Variants in CAMTA1 observed in about 807,000 individuals in gnomAD.
The protein encoded by CAMTA1 is calmodulin-binding transcription activator 1.
Under a neutral mutation model 170.9 loss-of-function variants are expected in CAMTA1, and 27 were observed. That is an observed-to-expected ratio of 0.16 (90% confidence interval 0.12 to 0.22). CAMTA1 has a LOEUF of 0.22. CAMTA1 is among the 10% of genes least tolerant of loss of function. CAMTA1 has a pLI of 1.00. For missense variants in CAMTA1, 1,619 were observed against 2,217.2 expected, an observed-to-expected ratio of 0.73 and a Z score of 5.42; for synonymous variants, 833 against 891.5, an observed-to-expected ratio of 0.93 and a Z score of 1.17.
At chr1:7,749,472 C>T (rs2096880301) in intron 19 of CAMTA1, among the ~76,000 whole-genome samples, 1 of 151,824 alleles carries the variant, frequency 6.6e-6, no homozygotes, top group African/African-American at 2.4e-5. Context: ...ACAAGTGATA[C>T]ACAGAATGAA....
intron 1 of CAMTA1, among the ~76,000 whole-genome samples, chr1:6,789,721 A>C (rs1240477039): frequency 6.6e-6 from 1 of 151,872 alleles, no homozygotes; most frequent in Non-Finnish European, 1.5e-5. Context: ...GTTATGTACA[A>C]GGAGCTGTAG....
chr1:7,698,806 C>T (rs1432998377), intron 11 of CAMTA1: 1 of 124,802 alleles, frequency 8.0e-6, no homozygotes, highest in Non-Finnish European at 1.8e-5. Context: ...CACTGTCAAA[C>T]TGCCTGTCTT....
chr1:7,744,421 T>G (rs1218604036), intron 16 of CAMTA1, among the ~76,000 whole-genome samples: 1 of 152,192 alleles, frequency 6.6e-6, no homozygotes, highest in African/African-American at 2.4e-5. Flanking sequence ...CATGAGCCAC[T>G]GTTCCCAGCC....
intron 3 of CAMTA1, among the ~76,000 whole-genome samples, chr1:6,981,334 A>G (rs766306392): frequency 6.6e-6 from 1 of 151,998 alleles, no homozygotes; most frequent in Non-Finnish European, 1.5e-5. Context: ...AGAAGATGGT[A>G]ATTGCCCCAC....
Position 7,674,730 on chromosome 1 carries a change from C to T in CAMTA1, c.2780-2869C>T, listed in dbSNP as rs577913456. Among the ~76,000 whole-genome samples, 31 of 152,148 alleles carry T rather than the reference C, an allele frequency of 2.0e-4. No individual in the cohort carries two copies. Among genetic ancestry groups the T allele is most frequent in the African/African-American group, 6.7e-4 (28 of 41,518 alleles). On this transcript the variant is annotated intron_variant, in intron 10 of 22. Transcript: ENST00000303635. This position sits in a 1 kb window ranked among gnomAD's most constrained non-coding sequence, Gnocchi z 4.1. ...TGGAGGTTGCAGTGAGCCAAGATCA[C>T]GCCACTGCACTCCAGCCTGGAAGAC...
intron 6 of CAMTA1, among the ~76,000 whole-genome samples, chr1:7,572,290 G>A (rs1429707598): frequency 6.6e-6 from 1 of 152,176 alleles, no homozygotes; most frequent in African/African-American, 2.4e-5. Flanking sequence ...TCTGTGGGTT[G>A]TCTGTTTACT....
intron 4 of CAMTA1, among the ~76,000 whole-genome samples, chr1:7,193,927 G>A (rs1173572011): frequency 6.6e-6 from 1 of 152,096 alleles, no homozygotes; most frequent in Non-Finnish European, 1.5e-5. Flanking sequence ...TAAATGACAG[G>A]GTTCTTGAAG....
intron 10 of CAMTA1, among the ~76,000 whole-genome samples, chr1:7,676,819 G>A (rs2096125579): frequency 6.6e-6 from 1 of 152,250 alleles, no homozygotes. Context: ...GCCATGGAGA[G>A]GCAACCTCAA....
chr1:7,557,308 G>GA (rs34354980), intron 6 of CAMTA1, among the ~76,000 whole-genome samples: 1,520 of 128,740 alleles, frequency 0.012, 17 homozygotes, highest in African/African-American at 0.034. Flanking sequence ...ACTCCGTTCA[G>GA]AAAAAAAAAA....
intron 3 of CAMTA1, among the ~76,000 whole-genome samples, chr1:6,850,308 T>A (rs1447525800): frequency 2.0e-5 from 3 of 152,200 alleles, no homozygotes; most frequent in Non-Finnish European, 2.9e-5. Context: ...GAAAAGTATT[T>A]GCCATAGATT....
At chr1:7,616,751 C>T (rs530147720) in intron 6 of CAMTA1, among the ~76,000 whole-genome samples, 2 of 152,088 alleles carry the variant, frequency 1.3e-5, no homozygotes, top group Non-Finnish European at 1.5e-5. Context: ...GGGGCCCCCC[C>T]ACCAGAGTGA....
chr1:6,979,268 CAG>C (rs1285615847), intron 3 of CAMTA1, among the ~76,000 whole-genome samples: 3 of 152,306 alleles, frequency 2.0e-5, no homozygotes, highest in Admixed American at 1.3e-4. Flanking sequence ...GTCTCCGGCA[CAG>C]GGGGGCTTCC....
chr1:7,276,786 AT>A (rs1405497498), intron 5 of CAMTA1, among the ~76,000 whole-genome samples: 1 of 152,190 alleles, frequency 6.6e-6, no homozygotes, highest in Non-Finnish European at 1.5e-5. Flanking sequence ...AATTCTTTTT[AT>A]TTGCAGACAA....
chr1:7,219,149 C>T (rs1465024806), intron 4 of CAMTA1, among the ~76,000 whole-genome samples: 9 of 152,070 alleles, frequency 5.9e-5, no homozygotes, highest in Non-Finnish European at 1.0e-4. Flanking sequence ...TTGTTTACAC[C>T]GGCATCTGTT....
intron 3 of CAMTA1, among the ~76,000 whole-genome samples, chr1:6,939,821 C>A (rs766253998): frequency 1.3e-5 from 2 of 152,292 alleles, no homozygotes; most frequent in Non-Finnish European, 2.9e-5. Flanking sequence ...TGCCTAGCAT[C>A]TGTCTCCCTG....
chr1:7,724,412 A>C (rs562095237), intron 11 of CAMTA1, among the ~76,000 whole-genome samples: 7 of 152,232 alleles, frequency 4.6e-5, no homozygotes, highest in Non-Finnish European at 2.9e-5. Context: ...GATCTTTGCA[A>C]CTTATCTGTA....
rs1052766749 is a variant in CAMTA1, at chr1:7,014,367, G to A, written c.235-76937G>A. ...GTGTGAGGCTATAAACAGCCCAGGA[G>A]TCCTGAGGGGGTTGGAGAGTTGGTC... On this transcript the variant is annotated intron_variant, in intron 3 of 22. Transcript: ENST00000303635. The surrounding 1 kb of genome is among the most constrained non-coding windows in gnomAD (Gnocchi z 4.2). 8 of 152,340 alleles carry A rather than the reference G, an allele frequency of 5.3e-5. No homozygotes were observed. Among genetic ancestry groups the A allele is most frequent in the African/African-American group, 1.7e-4 (7 of 41,482 alleles). 9.4% of individuals were successfully genotyped at this position (152,340 alleles called of 1,614,324 possible). A position where few individuals can be genotyped will look rare whatever the true frequency, so the allele number is the denominator to read the frequency against.
intron 2 of CAMTA1, 128 bp downstream of exon 2, chr1:6,820,378 T>C (rs1646348643): frequency 2.5e-6 from 2 of 800,062 alleles, no homozygotes; most frequent in African/African-American, 1.7e-5. Flanking sequence ...ACTTAACTGC[T>C]GTGTGATCTT....
intron 19 of CAMTA1, among the ~76,000 whole-genome samples, chr1:7,749,056 A>G (rs2096877034): frequency 6.6e-6 from 1 of 152,256 alleles, no homozygotes; most frequent in Admixed American, 6.5e-5. Context: ...GTTATAAAAT[A>G]TTAAAAATTG....
Sources: allele counts gnomAD v4.1 joint callset (sites outside exome capture counted in the v4.1 genomes callset), GRCh38; gene constraint gnomAD v4.1.1; non-coding constraint Gnocchi (gnomAD v3.1); transcripts MANE v1.5; gene names NCBI Gene and HGNC (gene_info 2026-07-23, HGNC 2026-07-21).